OSER1: variants seen among roughly 807,000 people sequenced by gnomAD.
OSER1 encodes oxidative stress responsive serine rich 1, also known as oxidative stress-responsive serine-rich protein 1.
A neutral mutation model predicts 26.3 loss-of-function variants in OSER1; 15 were observed. The ratio of observed to expected loss-of-function variants is 0.57; its 90% CI spans 0.38 to 0.88. The LOEUF (loss-of-function observed/expected upper bound fraction) is 0.88, where lower values mean the gene tolerates loss of function less well. Among genes scored for constraint, OSER1 ranks in the 40% least tolerant of loss-of-function variants. The probability of loss-of-function intolerance (pLI) is 0.00; values close to 1 mark genes in which losing one functional copy is unlikely to be tolerated. For synonymous variants in OSER1, 127 were observed against 128.2 expected, an observed-to-expected ratio of 0.99 and a Z score of 0.07; for missense variants, 313 against 353.9, an observed-to-expected ratio of 0.88 and a Z score of 0.93.
Position 44,197,448 on chromosome 20 carries a change from A to C in OSER1, c.483T>G (p.Ser161Arg), listed in dbSNP as rs1207166304. The change falls in exon 4 of 4, where the codon AGT becomes AGG. Residue 161 changes from serine (S) to arginine (R), a missense_variant. Transcript: ENST00000255174. ...RTSVPRLPSE[S>R]KKEDSSDATQ... is the part of the protein sequence containing the mutation. Reference sequence around the variant, plus strand: ...TAGCGTCAGAGGAGTCTTCCTTCTTACTCTCTGATGGGAGCCTTGGAACAG... The same window carrying C: ...TAGCGTCAGAGGAGTCTTCCTTCTTCCTCTCTGATGGGAGCCTTGGAACAG... 1 of 1,614,058 alleles carries C rather than the reference A, an allele frequency of 6.2e-7. No individual in the cohort carries two copies. Among genetic ancestry groups the C allele is most frequent in the Non-Finnish European group, 8.5e-7 (1 of 1,179,986 alleles).
In OSER1 at chr20:44,197,109, C is replaced by A. The variant is rs768725920; in HGVS notation, c.822G>T (p.Glu274Asp). Residue 274 changes from glutamate (E) to aspartate (D), a missense_variant, in exon 4 of 4, where the codon GAG becomes GAT. Physicochemically the swap from Glu to Asp is conservative, Grantham distance 45. Transcript: ENST00000255174. ...VTIEDLSGYMEYYLYIPKKMS... is the reference protein window; with the variant it reads ...VTIEDLSGYMDYYLYIPKKMS... ...TTTTCTTGGGAATATACAAGTAATA[C>A]TCCATGTAGCCTGACAGGTCCTCAA... The A allele has an allele frequency of 6.2e-7, 1 of 1,613,442 alleles. No individual in the cohort carries two copies. The highest frequency in any genetic ancestry group is 1.3e-5 in the African/African-American group (1 of 74,918).
chr20:44,198,605 C>T (rs956846148), intron 3 of OSER1, among the ~76,000 whole-genome samples: 2 of 150,474 alleles, frequency 1.3e-5, no homozygotes, highest in Non-Finnish European at 3.0e-5. Flanking sequence ...GGCAACAGAG[C>T]GAGACTCCGT....
chr20:44,197,109 C>T lies in OSER1; in HGVS notation c.822G>A (p.Glu274=), dbSNP rs768725920. Residue 274 remains glutamate, a synonymous_variant, in exon 4 of 4, where the codon GAG becomes GAA. Transcript: ENST00000255174. The part of the protein sequence containing the change: ...VTIEDLSGYM[E]YYLYIPKKMS... Reference sequence around the variant, plus strand: ...TTTTCTTGGGAATATACAAGTAATACTCCATGTAGCCTGACAGGTCCTCAA... The same window carrying T: ...TTTTCTTGGGAATATACAAGTAATATTCCATGTAGCCTGACAGGTCCTCAA... The T allele has an allele frequency of 6.2e-7, 1 of 1,613,560 alleles. No homozygotes were observed. Among genetic ancestry groups the T allele is most frequent in the Non-Finnish European group, 8.5e-7 (1 of 1,179,490 alleles).
At chr20:44,203,113 T>C (rs2073000223) in intron 2 of OSER1, 39 bp from the exon 3 acceptor site, 1 of 1,051,630 alleles carries the variant, frequency 9.5e-7, no homozygotes, top group South Asian at 1.3e-5. Flanking sequence ...CAAAAAACTG[T>C]AAAATGAGGA....
chr20:44,208,425 A>AAAT (rs2073061437), intron 1 of OSER1, among the ~76,000 whole-genome samples: 1 of 151,406 alleles, frequency 6.6e-6, no homozygotes, highest in South Asian at 2.1e-4. Context: ...CAGCTACTAA[A>AAAT]AAAAAAAAAA....
At chr20:44,206,133 G>A (rs1321871748) in intron 2 of OSER1, among the ~76,000 whole-genome samples, 1 of 152,096 alleles carries the variant, frequency 6.6e-6, no homozygotes, top group Non-Finnish European at 1.5e-5. Flanking sequence ...TGCGCACAAA[G>A]TACTTAACCC....
chr20:44,202,273 G>C (rs187905204), intron 3 of OSER1, among the ~76,000 whole-genome samples: 456 of 152,278 alleles, frequency 3.0e-3, no homozygotes, highest in Middle Eastern at 6.8e-3. Flanking sequence ...AGGTACCTGG[G>C]AGGCCAAGGC....
chr20:44,207,169 C>T (rs2073046363), intron 1 of OSER1, 171 bp from the exon 2 acceptor site: 4 of 469,802 alleles, frequency 8.5e-6, no homozygotes, highest in African/African-American at 1.9e-5. Flanking sequence ...TGAAATGATA[C>T]CAAAAATGGA....
intron 3 of OSER1, among the ~76,000 whole-genome samples, chr20:44,200,067 T>C (rs1358089164): frequency 6.6e-6 from 1 of 152,188 alleles, no homozygotes; most frequent in Non-Finnish European, 1.5e-5. Context: ...GATCCTCCCC[T>C]GTCCCTATTC....
At chr20:44,209,515 A>G (rs2073075248) in intron 1 of OSER1, among the ~76,000 whole-genome samples, 1 of 152,208 alleles carries the variant, frequency 6.6e-6, no homozygotes, top group African/African-American at 2.4e-5. Context: ...ATTAATATTA[A>G]ATTTGTGGGA....
chr20:44,203,688 CTTT>C lies in OSER1; in HGVS notation c.78-617_78-615del, dbSNP rs35919776. On this transcript the variant is annotated intron_variant, in intron 2 of 3. Coordinates refer to ENST00000255174, the MANE Select transcript of OSER1 (RefSeq NM_016470.8). ...AAACATTGGTGGAAATCCTTCCAGA[CTTT>C]TTTCACACACACACACACACACACA... 9.7e-4 allele frequency among the ~76,000 whole-genome samples: 108 copies of C among 111,760 alleles called. No homozygotes were observed. In the Middle Eastern group the frequency reaches 0.025, roughly 25 times the overall value. The allele number at this position is 111,760 out of a possible 152,430, so 73.3% of individuals were successfully genotyped here.
rs750300001 is a variant in OSER1 at position 44,197,204 on chromosome 20, C to A, written c.727G>T (p.Ala243Ser). The A allele has an allele frequency of 6.2e-7, 1 of 1,614,208 alleles. No individual in the cohort carries two copies. Residue 243 changes from alanine (A) to serine (S), a missense_variant, in exon 4 of 4, where the codon GCC (alanine) becomes TCC (serine). By Grantham distance (99) the Ala-to-Ser change is moderately conservative. Around this residue, in one of 2 missense-constraint regions of OSER1, gnomAD observed 300 missense variants for 318.3 expected, o/e 0.94. Transcript: ENST00000255174. Reference sequence around the variant, plus strand: ...CGGGGAGAGCCAGACAGAGTTCTGGCGTGCAGCGACTGAGAGTAGTCCTCA... The same window carrying A: ...CGGGGAGAGCCAGACAGAGTTCTGGAGTGCAGCGACTGAGAGTAGTCCTCA... ...TLEDYSQSLH[A>S]RTLSGSPRSC...
intron 2 of OSER1, among the ~76,000 whole-genome samples, chr20:44,205,657 T>C (rs2073030054): frequency 2.0e-5 from 3 of 152,112 alleles, no homozygotes; most frequent in South Asian, 2.1e-4. Context: ...GCAGAGGTTC[T>C]GGGCCAGACG....
intron 1 of OSER1, among the ~76,000 whole-genome samples, chr20:44,209,680 T>G (rs80021071): frequency 0.017 from 2,615 of 152,266 alleles, 30 homozygotes; most frequent in African/African-American, 0.038. Flanking sequence ...AATTACAAAG[T>G]TCTTCTAAGT....
chr20:44,205,857 G>A (rs1011110661), intron 2 of OSER1, among the ~76,000 whole-genome samples: 2 of 150,890 alleles, frequency 1.3e-5, no homozygotes, highest in African/African-American at 2.4e-5. Flanking sequence ...GGAGAATGGC[G>A]TGAACCCGGG....
At chr20:44,200,343 A>ACTCTATCC (rs1408637031) in intron 3 of OSER1, among the ~76,000 whole-genome samples, 1 of 152,098 alleles carries the variant, frequency 6.6e-6, no homozygotes, top group Non-Finnish European at 1.5e-5. Context: ...CAGGCTAGTC[A>ACTCTATCC]CTCTATCCTG....
chr20:44,200,178 A>T (rs183321662), intron 3 of OSER1, among the ~76,000 whole-genome samples: 45 of 152,302 alleles, frequency 3.0e-4, no homozygotes, highest in African/African-American at 1.1e-3. Flanking sequence ...GCAACTGCTG[A>T]TCATTGAGAG....
intron 3 of OSER1, 38 bp from the exon 4 acceptor site, chr20:44,197,777 T>TA: frequency 7.2e-7 from 1 of 1,380,358 alleles, no homozygotes; most frequent in Non-Finnish European, 1.0e-6. Context: ...GATGTTGGGA[T>TA]ATGGAGCTGT....
At chr20:44,207,280 C>A in intron 1 of OSER1, 1 of 188,802 alleles carries the variant, frequency 5.3e-6, no homozygotes, top group Non-Finnish European at 1.1e-5. Context: ...TTTCAGTATA[C>A]ATACTTTTTA....
Sources: allele counts gnomAD v4.1 joint callset (sites outside exome capture counted in the v4.1 genomes callset), GRCh38; gene constraint gnomAD v4.1.1; regional missense constraint gnomAD v4.1.1; transcripts MANE v1.5; gene names NCBI Gene and HGNC (gene_info 2026-07-23, HGNC 2026-07-21).